The following NEK11 variants were observed in gnomAD, a reference collection of about 807,000 sequenced individuals.
NEK11 encodes serine/threonine-protein kinase Nek11.
A neutral mutation model predicts 80.7 loss-of-function variants in NEK11; 72 were observed. The ratio of observed to expected loss-of-function variants is 0.89; its 90% CI spans 0.74 to 1.08. The LOEUF (loss-of-function observed/expected upper bound fraction) is 1.08. Ranked by LOEUF, NEK11 falls within the 50% of genes least tolerant of loss-of-function variation. NEK11 has a pLI of 0.00. For synonymous variants in NEK11, 251 were observed against 260.7 expected (o/e 0.96, Z 0.36); for missense variants, 764 against 763.6 (o/e 1.00, Z -0.01).
chr3:131,129,751 T>G (rs187336152), intron 5 of NEK11, among the ~76,000 whole-genome samples: 10 of 152,356 alleles, frequency 6.6e-5, no homozygotes, highest in African/African-American at 2.2e-4. Flanking sequence ...ATCAGTTGAC[T>G]GTATTCACGC....
In NEK11 at chr3:131,203,767, GTATATA is replaced by G. The variant is rs150951735; in HGVS notation, c.1400-24706_1400-24701del. ...TATATATGTGTGTGTGTGTGTGTGTGTATATATATATATATATATATATATATATAT... is the reference window on the plus strand; with the variant it reads ...TATATATGTGTGTGTGTGTGTGTGTGTATATATATATATATATATATATAT... On this transcript the variant is annotated intron_variant, in intron 14 of 17. Coordinates refer to ENST00000383366, the MANE Select transcript of NEK11 (RefSeq NM_024800.5). Among the ~76,000 whole-genome samples the G allele has an allele frequency of 7.2e-3, 384 of 53,380 alleles. 2 individuals carry two copies. Among genetic ancestry groups the G allele is most frequent in the East Asian group, 0.014 (8 of 564 alleles). The allele number at this position is 53,380 out of a possible 152,430, so 35.0% of individuals were successfully genotyped here.
intron 11 of NEK11, among the ~76,000 whole-genome samples, chr3:131,163,779 A>G (rs1242224218): frequency 2.0e-5 from 3 of 152,212 alleles, no homozygotes; most frequent in African/African-American, 7.2e-5. Context: ...CACAGTATAT[A>G]TAAATCTAAA....
chr3:131,129,147 T>C (rs1440417549), intron 5 of NEK11, among the ~76,000 whole-genome samples: 1 of 146,446 alleles, frequency 6.8e-6, no homozygotes, highest in African/African-American at 2.5e-5. Flanking sequence ...ACCTCCCAGG[T>C]TCATGCCATT....
At position 131,213,880 on chromosome 3, in the gene NEK11, G is replaced by A. The variant is rs187348135; in HGVS notation, c.1400-14648G>A. Among the ~76,000 whole-genome samples, 421 of 152,244 alleles carry A rather than the reference G, an allele frequency of 2.8e-3. 1 individual carries two copies. Among genetic ancestry groups the A allele is most frequent in the African/African-American group, 9.0e-3 (372 of 41,544 alleles). The stretch of plus-strand genomic sequence containing the variant: ...CTAATCCCCAGTGGGATGATATTTC[G>A]AGATGAGGCCTTTAGGAGGTGATTT... On this transcript the variant is annotated intron_variant, in intron 14 of 17. Transcript: ENST00000383366.
At chr3:131,031,841 C>T (rs185125270) in intron 3 of NEK11, among the ~76,000 whole-genome samples, 10 of 152,288 alleles carry the variant, frequency 6.6e-5, no homozygotes, top group Non-Finnish European at 1.5e-4. Flanking sequence ...AGGTCTAGTC[C>T]ACAATCTCTG....
chr3:131,059,475 T>C (rs1291462739), intron 3 of NEK11, among the ~76,000 whole-genome samples: 2 of 152,188 alleles, frequency 1.3e-5, no homozygotes, highest in Non-Finnish European at 2.9e-5. Flanking sequence ...CCATAACAAA[T>C]AAAACCTGGT....
intron 17 of NEK11, among the ~76,000 whole-genome samples, chr3:131,343,865 T>C (rs111404903): frequency 0.1 from 15,223 of 152,182 alleles, 1,225 homozygotes; most frequent in African/African-American, 0.22. Context: ...CCTAGGCCTC[T>C]GGGCCTGTCA....
intron 3 of NEK11, among the ~76,000 whole-genome samples, chr3:131,062,038 G>T (rs115483559): frequency 6.6e-6 from 1 of 152,298 alleles, no homozygotes; most frequent in Non-Finnish European, 1.5e-5. Flanking sequence ...AGGCACCAAA[G>T]AGCAAGTAAA....
chr3:131,128,089 A>G (rs2149534592), intron 5 of NEK11, among the ~76,000 whole-genome samples: 1 of 152,318 alleles, frequency 6.6e-6, no homozygotes, highest in South Asian at 2.1e-4. Flanking sequence ...GCTCCCACAC[A>G]TGCATTGCCT....
At chr3:131,156,929 G>T (rs2090754374) in intron 10 of NEK11, among the ~76,000 whole-genome samples, 1 of 150,846 alleles carries the variant, frequency 6.6e-6, no homozygotes, top group African/African-American at 2.4e-5. Context: ...AAACACTGAA[G>T]AGGCTGTGAG....
At position 131,255,066 on chromosome 3, in the gene NEK11, C is replaced by CAGAAAGAAGGAA. The variant is rs1198130845; in HGVS notation, c.1621+11573_1621+11574insAAGAAGGAAAGA. The stretch of plus-strand genomic sequence containing the variant: ...AGAGAGAGAGAGACAGACAGACAGA[C>CAGAAAGAAGGAA]AGACAGAAAGAAGGAAAGAAAGAAA... On this transcript the variant is annotated intron_variant, in intron 16 of 17. Transcript: ENST00000383366. Among the ~76,000 whole-genome samples the CAGAAAGAAGGAA allele has an allele frequency of 6.2e-3, 703 of 113,502 alleles. 2 individuals are homozygous for CAGAAAGAAGGAA. Among genetic ancestry groups the CAGAAAGAAGGAA allele is most frequent in the Non-Finnish European group, 9.1e-3 (454 of 49,846 alleles). The allele number at this position is 113,502 out of a possible 152,430, so 74.5% of individuals were successfully genotyped here. A position where few individuals can be genotyped will look rare whatever the true frequency, so the allele number is the denominator to read the frequency against.
chr3:131,157,957 G>A (rs1052278856), intron 10 of NEK11, among the ~76,000 whole-genome samples: 1 of 152,178 alleles, frequency 6.6e-6, no homozygotes, highest in Non-Finnish European at 1.5e-5. Context: ...TGGTGCTTGA[G>A]TGTCTGCAGC....
At chr3:131,067,403 A>G (rs2072238729) in intron 3 of NEK11, among the ~76,000 whole-genome samples, 1 of 152,250 alleles carries the variant, frequency 6.6e-6, no homozygotes, top group African/African-American at 2.4e-5. Context: ...ATTCTATTCA[A>G]TAGAACCACT....
intron 14 of NEK11, among the ~76,000 whole-genome samples, chr3:131,212,821 A>T (rs924184530): frequency 6.6e-6 from 1 of 152,208 alleles, no homozygotes; most frequent in Non-Finnish European, 1.5e-5. Context: ...TTATATGTCT[A>T]TTTGGCTAGG....
At chr3:131,338,280 T>G (rs111443309) in intron 17 of NEK11, among the ~76,000 whole-genome samples, 2 of 149,364 alleles carry the variant, frequency 1.3e-5, no homozygotes, top group African/African-American at 2.5e-5. Context: ...TTTTTTTTTT[T>G]TTTTTTTTTT....
chr3:131,319,472 G>A (rs9871533), intron 17 of NEK11, among the ~76,000 whole-genome samples: 62,159 of 151,924 alleles, frequency 0.41, 15,722 homozygotes, highest in Non-Finnish European at 0.54. Flanking sequence ...AGAGTGCCAT[G>A]GAGACTCAGC....
chr3:131,078,415 G>A (rs941513691), intron 3 of NEK11, among the ~76,000 whole-genome samples: 3 of 152,076 alleles, frequency 2.0e-5, no homozygotes, highest in African/African-American at 7.2e-5. Context: ...TCAGCTTCTA[G>A]GACAGATTTC....
intron 14 of NEK11, among the ~76,000 whole-genome samples, chr3:131,183,606 T>G (rs4266162): frequency 0.83 from 125,701 of 152,184 alleles, 52,024 homozygotes; most frequent in East Asian, 0.93. Context: ...CCCTGCAAAG[T>G]ACATGACCTC....
intron 17 of NEK11, among the ~76,000 whole-genome samples, chr3:131,283,044 A>G (rs1373779031): frequency 6.6e-6 from 1 of 152,158 alleles, no homozygotes; most frequent in Non-Finnish European, 1.5e-5. Context: ...AGGATTCTCC[A>G]TTTTATAGGT....
Sources: gnomAD v4.1 joint callset for allele counts (sites outside exome capture counted in the v4.1 genomes callset) on GRCh38, gnomAD v4.1.1 for gene constraint, MANE v1.5 for transcripts, NCBI Gene and HGNC (gene_info 2026-07-23, HGNC 2026-07-21) for gene names.